The following CDH13 variants were observed in gnomAD, a reference collection of about 807,000 sequenced individuals.
CDH13 encodes cadherin-13.
CDH13 carries 24 observed loss-of-function variants against 63.8 expected under a neutral mutation model. That is an observed-to-expected ratio of 0.38 (90% CI 0.27 to 0.53). The LOEUF is 0.53. CDH13 is among the 20% of genes least tolerant of loss of function. The probability of loss-of-function intolerance (pLI) is 0.85; values close to 1 mark genes in which losing one functional copy is unlikely to be tolerated. For synonymous variants in CDH13, 503 were observed against 355.3 expected, an observed-to-expected ratio of 1.42 and a Z score of -4.67; for missense variants, 1,049 against 903.1, an observed-to-expected ratio of 1.16 and a Z score of -2.07.
intron 6 of CDH13, among the ~76,000 whole-genome samples, chr16:83,354,941 G>C (rs2151379159): frequency 6.6e-6 from 1 of 152,308 alleles, no homozygotes; most frequent in African/African-American, 2.4e-5. Flanking sequence ...TTGGGTAGCG[G>C]GGACACAGAC....
At chr16:83,010,174 C>T (rs1249774051) in intron 2 of CDH13, among the ~76,000 whole-genome samples, 1 of 108,936 alleles carries the variant, frequency 9.2e-6, no homozygotes, top group Non-Finnish European at 1.9e-5. Flanking sequence ...AAGAATGGCT[C>T]AGGTAGGGGC....
At chr16:82,829,572 A>T (rs1291634608) in intron 1 of CDH13, 1 of 152,124 alleles carries the variant, frequency 6.6e-6, no homozygotes, top group Non-Finnish European at 1.5e-5. Context: ...CTGAAAGGGA[A>T]AGAGGGGGAA....
intron 5 of CDH13, among the ~76,000 whole-genome samples, chr16:83,293,552 G>A (rs376285816): frequency 2.0e-5 from 3 of 152,062 alleles, no homozygotes; most frequent in Admixed American, 6.6e-5. Context: ...GCTTGATTTG[G>A]TGTCTATATT....
At position 83,337,810 on chromosome 16, in the gene CDH13, A is replaced by G. The variant is rs1042278525; in HGVS notation, c.637-7052A>G. Reference sequence around the variant, plus strand: ...GCTTCATGTGTATTAATAAAAATATATAAGAAACTCATTAAGCTCCTCAAT... The same window carrying G: ...GCTTCATGTGTATTAATAAAAATATGTAAGAAACTCATTAAGCTCCTCAAT... On this transcript the variant is annotated intron_variant, in intron 5 of 13. Coordinates refer to ENST00000567109, the MANE Select transcript of CDH13 (RefSeq NM_001257.5). Among the ~76,000 whole-genome samples, 11 of 151,970 alleles carry G rather than the reference A, an allele frequency of 7.2e-5. 1 individual carries two copies. The highest frequency in any genetic ancestry group is 1.5e-5 in the Non-Finnish European group (1 of 67,982).
chr16:82,830,970 G>T (rs1297098598), intron 1 of CDH13, among the ~76,000 whole-genome samples: 1 of 152,112 alleles, frequency 6.6e-6, no homozygotes, highest in Non-Finnish European at 1.5e-5. Flanking sequence ...AGGGTGCTTA[G>T]CAAATCTTCC....
At position 83,160,366 on chromosome 16, in the gene CDH13, A is replaced by G. The variant is rs116652782; in HGVS notation, c.483+34865A>G. ...CTGCTCTTAAAAAAACCGTAAAAAA[A>G]TAAGTTTGATGAACTTGGTTTTCAA... On this transcript the variant is annotated intron_variant, in intron 4 of 13. Coordinates refer to ENST00000567109, the MANE Select transcript of CDH13 (RefSeq NM_001257.5). 7.7e-3 allele frequency among the ~76,000 whole-genome samples: 1,175 copies of G among 152,276 alleles called. 19 individuals are homozygous for G. The highest frequency in any genetic ancestry group is 0.027 in the African/African-American group (1,133 of 41,562).
chr16:83,245,256 A>AT (rs1198058764), intron 5 of CDH13, among the ~76,000 whole-genome samples: 7 of 152,168 alleles, frequency 4.6e-5, no homozygotes, highest in Non-Finnish European at 2.9e-5. Flanking sequence ...ATCTTAGAAG[A>AT]TTTTTGCTTT....
rs1597216933 is a variant in CDH13 at position 83,047,087 on chromosome 16, A to G, written c.366+14869A>G. 6.6e-6 allele frequency among the ~76,000 whole-genome samples: 1 copy of G among 152,224 alleles called. No individual in the cohort carries two copies. Among genetic ancestry groups the G allele is most frequent in the Non-Finnish European group, 1.5e-5 (1 of 68,042 alleles). The stretch of plus-strand genomic sequence containing the variant: ...TCAGGCAAATTAGGATTCCTTTGAC[A>G]GCAACTTTTTACAACTTCCTTCCTT... On this transcript the variant is annotated intron_variant, in intron 3 of 13. Coordinates refer to ENST00000567109, the MANE Select transcript of CDH13 (RefSeq NM_001257.5). This position sits in a 1 kb window ranked among gnomAD's most constrained non-coding sequence, Gnocchi z 4.9.
At chr16:83,278,132 T>G (rs1341866534) in intron 5 of CDH13, among the ~76,000 whole-genome samples, 1 of 152,202 alleles carries the variant, frequency 6.6e-6, no homozygotes, top group Non-Finnish European at 1.5e-5. Context: ...AAAAATGCAT[T>G]ATATTTCCCA....
intron 1 of CDH13, among the ~76,000 whole-genome samples, chr16:82,748,594 A>C (rs17183490): frequency 0.29 from 44,419 of 151,852 alleles, 6,855 homozygotes; most frequent in South Asian, 0.38. Context: ...CAATGTGATG[A>C]AGCTGCTAAC....
At chr16:83,701,692 C>T (rs1906254450) in intron 10 of CDH13, among the ~76,000 whole-genome samples, 1 of 152,184 alleles carries the variant, frequency 6.6e-6, no homozygotes, top group Non-Finnish European at 1.5e-5. Context: ...TCTTCTTCCT[C>T]AGGACGTTAC....
At chr16:83,291,459 G>C (rs1414249991) in intron 5 of CDH13, among the ~76,000 whole-genome samples, 1 of 152,094 alleles carries the variant, frequency 6.6e-6, no homozygotes, top group Non-Finnish European at 1.5e-5. Context: ...CCACCTGATA[G>C]TGCAAAATTG....
intron 1 of CDH13, chr16:82,639,463 C>T (rs772477362): frequency 1.0e-5 from 16 of 1,530,832 alleles, no homozygotes; most frequent in Non-Finnish European, 9.6e-6. Flanking sequence ...TTCAACCATG[C>T]AGGTAAATTT....
intron 2 of CDH13, among the ~76,000 whole-genome samples, chr16:82,925,774 C>T (rs916160809): frequency 1.3e-5 from 2 of 152,192 alleles, no homozygotes; most frequent in Non-Finnish European, 2.9e-5. Context: ...ACCCTCTCTG[C>T]CCTTGACCTC....
intron 8 of CDH13, among the ~76,000 whole-genome samples, chr16:83,607,064 T>C (rs1170934799): frequency 2.0e-5 from 3 of 152,054 alleles, no homozygotes; most frequent in Non-Finnish European, 2.9e-5. Flanking sequence ...GTTGCATTTA[T>C]AGTGTTTGTT....
At chr16:83,281,990 CTTCTT>C (rs1208154097) in intron 5 of CDH13, among the ~76,000 whole-genome samples, 1 of 152,104 alleles carries the variant, frequency 6.6e-6, no homozygotes, top group Non-Finnish European at 1.5e-5. Context: ...CCATGTGTCT[CTTCTT>C]TTCACTTGAA....
At chr16:83,278,746 C>T (rs1186445416) in intron 5 of CDH13, among the ~76,000 whole-genome samples, 1 of 152,170 alleles carries the variant, frequency 6.6e-6, no homozygotes, top group Non-Finnish European at 1.5e-5. Flanking sequence ...ATGTTAGAGG[C>T]TGGAGCAAAC....
At chr16:83,718,496 A>G (rs1298060495) in intron 10 of CDH13, among the ~76,000 whole-genome samples, 1 of 152,222 alleles carries the variant, frequency 6.6e-6, no homozygotes, top group South Asian at 2.1e-4. Flanking sequence ...GGATTTCTTT[A>G]ACCAAGCAGT....
intron 1 of CDH13, among the ~76,000 whole-genome samples, chr16:82,819,702 C>G (rs563863827): frequency 6.6e-6 from 1 of 152,340 alleles, no homozygotes; most frequent in South Asian, 2.1e-4. Flanking sequence ...CAAGTCCGTC[C>G]TTTCTCCTCC....
Sources: allele counts gnomAD v4.1 joint callset (sites outside exome capture counted in the v4.1 genomes callset), GRCh38; gene constraint gnomAD v4.1.1; non-coding constraint Gnocchi (gnomAD v3.1); transcripts MANE v1.5; gene names NCBI Gene and HGNC (gene_info 2026-07-23, HGNC 2026-07-21).